Variants in TSPAN12 observed in about 807,000 individuals in gnomAD.
The protein encoded by TSPAN12 is tetraspanin-12.
A neutral mutation model predicts 39.2 loss-of-function variants in TSPAN12; 19 were observed. That is an observed-to-expected ratio of 0.49 (90% CI 0.34 to 0.71). The LOEUF is 0.71. Among genes scored for constraint, TSPAN12 ranks in the 30% least tolerant of loss-of-function variants. TSPAN12 has a pLI of 0.01. For synonymous variants in TSPAN12, 119 were observed against 124.8 expected, an observed-to-expected ratio of 0.95 and a Z score of 0.31; for missense variants, 314 against 359.9, an observed-to-expected ratio of 0.87 and a Z score of 1.03.
At position 120,800,638 on chromosome 7, in the gene TSPAN12, G is replaced by A. The variant is rs903574052; in HGVS notation, c.612+5911C>T. ...TGACTATAAATTCCCACTTGCCCGT[G>A]TTGTATTCTGAATTGAGCCTAATCT... On this transcript the variant is annotated intron_variant, in intron 7 of 7. Coordinates refer to ENST00000222747, the MANE Select transcript of TSPAN12 (RefSeq NM_012338.4). Among the ~76,000 whole-genome samples the A allele has an allele frequency of 3.3e-5, 5 of 151,278 alleles. No individual in the cohort carries two copies. In the East Asian group the frequency reaches 9.7e-4, roughly 29 times the overall value.
intron 2 of TSPAN12, among the ~76,000 whole-genome samples, chr7:120,849,359 T>G (rs1363101873): frequency 1.3e-5 from 2 of 152,236 alleles, no homozygotes; most frequent in African/African-American, 4.8e-5. Flanking sequence ...CAAGTTGTTT[T>G]CTGAATCAGA....
intron 4 of TSPAN12, among the ~76,000 whole-genome samples, chr7:120,816,685 T>C (rs143440056): frequency 3.0e-4 from 46 of 152,256 alleles, no homozygotes; most frequent in African/African-American, 1.0e-3. Flanking sequence ...CACTAGTGAA[T>C]TTTAAATCCA....
At chr7:120,831,964 A>G (rs1794398363) in intron 4 of TSPAN12, among the ~76,000 whole-genome samples, 1 of 151,918 alleles carries the variant, frequency 6.6e-6, no homozygotes, top group Non-Finnish European at 1.5e-5. Context: ...CAAATAAAAA[A>G]TTTTAAATTA....
At chr7:120,851,528 G>A (rs1377759259) in intron 2 of TSPAN12, among the ~76,000 whole-genome samples, 1 of 152,022 alleles carries the variant, frequency 6.6e-6, no homozygotes, top group Non-Finnish European at 1.5e-5. Flanking sequence ...GTTCACCAAT[G>A]TCAGAAATTT....
At chr7:120,842,692 G>A (rs1426407997) in intron 2 of TSPAN12, among the ~76,000 whole-genome samples, 1 of 152,172 alleles carries the variant, frequency 6.6e-6, no homozygotes. Context: ...GTCTCCTGCA[G>A]AAGTCAGGTT....
At chr7:120,835,959 A>G (rs1167209752) in intron 4 of TSPAN12, among the ~76,000 whole-genome samples, 1 of 152,190 alleles carries the variant, frequency 6.6e-6, no homozygotes, top group Non-Finnish European at 1.5e-5. Flanking sequence ...AAAAAGCAAA[A>G]AATGGCAGAT....
chr7:120,797,470 A>G (rs1366672516), intron 7 of TSPAN12, among the ~76,000 whole-genome samples: 2 of 152,278 alleles, frequency 1.3e-5, no homozygotes, highest in African/African-American at 2.4e-5. Flanking sequence ...ATAAACTCCC[A>G]GCTTATCCAA....
chr7:120,836,982 T>C (rs901914067), intron 4 of TSPAN12, among the ~76,000 whole-genome samples: 2 of 152,176 alleles, frequency 1.3e-5, no homozygotes, highest in East Asian at 3.9e-4. Flanking sequence ...ATAGGGACTG[T>C]GCAGAGTAAA....
intron 2 of TSPAN12, among the ~76,000 whole-genome samples, chr7:120,845,955 G>A (rs1171001228): frequency 6.6e-6 from 1 of 152,136 alleles, no homozygotes; most frequent in Non-Finnish European, 1.5e-5. Flanking sequence ...AGTAATACCT[G>A]AAACTGGGTA....
intron 2 of TSPAN12, among the ~76,000 whole-genome samples, chr7:120,842,880 G>A (rs1239109823): frequency 6.6e-6 from 1 of 151,446 alleles, no homozygotes; most frequent in East Asian, 1.9e-4. Context: ...TTTTATAGAA[G>A]AATTTCTGCT....
intron 2 of TSPAN12, among the ~76,000 whole-genome samples, chr7:120,845,992 G>A (rs1255895536): frequency 6.6e-6 from 1 of 152,152 alleles, no homozygotes; most frequent in Non-Finnish European, 1.5e-5. Flanking sequence ...GGTTTAATTG[G>A]CTTATGGTTC....
chr7:120,806,138 T>C (rs998709387), intron 7 of TSPAN12, among the ~76,000 whole-genome samples: 1 of 151,974 alleles, frequency 6.6e-6, no homozygotes, highest in African/African-American at 2.4e-5. Flanking sequence ...GAGGTTCTTT[T>C]TTTTCCCCTT....
Position 120,788,740 on chromosome 7 carries a change from G to A in TSPAN12, c.770C>T (p.Thr257Ile), listed in dbSNP as rs1259342109. Reference sequence around the variant, plus strand: ...ATTCTTCAAGGACATCATTTGGTCTGTCCCCGGCTCCCTTCTATCATAATA... The same window carrying A: ...ATTCTTCAAGGACATCATTTGGTCTATCCCCGGCTCCCTTCTATCATAATA... Reference protein sequence around the residue: ...ALYYDRREPGTDQMMSLKNDN... With the variant: ...ALYYDRREPGIDQMMSLKNDN... Residue 257 changes from threonine (T) to isoleucine (I), a missense_variant, in exon 8 of 8, where the codon ACA becomes ATA. By Grantham distance (89) the Thr-to-Ile change is moderately conservative (BLOSUM62 -1). Transcript: ENST00000222747. 2.5e-6 allele frequency: 4 copies of A among 1,614,130 alleles called. No individual in the cohort carries two copies. The highest frequency in any genetic ancestry group is 1.1e-5 in the South Asian group (1 of 91,086).
chr7:120,850,241 A>C (rs950488342), intron 2 of TSPAN12, among the ~76,000 whole-genome samples: 1 of 152,176 alleles, frequency 6.6e-6, no homozygotes, highest in Non-Finnish European at 1.5e-5. Context: ...CTAGACCACC[A>C]TGTTTTCCTA....
At chr7:120,794,346 T>A (rs760590614) in intron 7 of TSPAN12, among the ~76,000 whole-genome samples, 1 of 152,194 alleles carries the variant, frequency 6.6e-6, no homozygotes, top group African/African-American at 2.4e-5. Flanking sequence ...TGAAATGTAA[T>A]CCACAGTGTT....
chr7:120,826,715 T>A (rs1794294785), intron 4 of TSPAN12, among the ~76,000 whole-genome samples: 1 of 152,070 alleles, frequency 6.6e-6, no homozygotes, highest in Non-Finnish European at 1.5e-5. Context: ...ATAGTCAGCA[T>A]CTTTATTTTT....
At chr7:120,846,616 A>G (rs1479350074) in intron 2 of TSPAN12, among the ~76,000 whole-genome samples, 3 of 152,208 alleles carry the variant, frequency 2.0e-5, no homozygotes, top group Non-Finnish European at 4.4e-5. Flanking sequence ...CCATTCAAAA[A>G]TCATATATTG....
intron 5 of TSPAN12, among the ~76,000 whole-genome samples, chr7:120,814,782 G>A (rs781003465): frequency 1.8e-4 from 27 of 152,124 alleles, no homozygotes; most frequent in Non-Finnish European, 2.8e-4. Flanking sequence ...TTCAACTGCT[G>A]AAATAAAAGA....
At chr7:120,853,217 C>T (rs2116509032) in intron 2 of TSPAN12, among the ~76,000 whole-genome samples, 1 of 151,902 alleles carries the variant, frequency 6.6e-6, no homozygotes, top group East Asian at 1.9e-4. Flanking sequence ...CCTCAGCCTC[C>T]TGAGCAGCTG....
Sources: gnomAD v4.1 joint callset for allele counts (sites outside exome capture counted in the v4.1 genomes callset) on GRCh38, gnomAD v4.1.1 for gene constraint, MANE v1.5 for transcripts, NCBI Gene and HGNC (gene_info 2026-07-23, HGNC 2026-07-21) for gene names.